The following ANO4 variants were observed in gnomAD, a reference collection of about 807,000 sequenced individuals.
The protein encoded by ANO4 is anoctamin-4.
Under a neutral mutation model 141.9 loss-of-function variants are expected in ANO4, and 69 were observed. The ratio of observed to expected loss-of-function variants is 0.49; its 90% CI spans 0.40 to 0.59. The LOEUF is 0.59. Among genes scored for constraint, ANO4 ranks in the 20% least tolerant of loss-of-function variants. The pLI is 0.00. For missense variants in ANO4, 894 were observed against 1,162.2 expected, an observed-to-expected ratio of 0.77 and a Z score of 3.36; for synonymous variants, 350 against 394.3, an observed-to-expected ratio of 0.89 and a Z score of 1.33.
At position 100,872,947 on chromosome 12, in the gene ANO4, T is replaced by C. The variant is rs141898297; in HGVS notation, c.-140-28699T>C. Among the ~76,000 whole-genome samples the C allele has an allele frequency of 7.3e-3, 1,110 of 152,292 alleles. 5 individuals carry two copies. The highest frequency in any genetic ancestry group is 0.013 in the Non-Finnish European group (882 of 68,022). On this transcript the variant is annotated intron_variant, in intron 1 of 27. Coordinates refer to ENST00000392977, the MANE Select transcript of ANO4 (RefSeq NM_001286615.2). ...TGGGGGCGGATTTCCTCCTTGCTGT[T>C]CTTGTGATAGTGAGTTCTCACAAGA... is the stretch of plus-strand genomic sequence containing the variant.
intron 7 of ANO4, among the ~76,000 whole-genome samples, chr12:100,981,509 G>A (rs1194467132): frequency 1.3e-5 from 2 of 151,790 alleles, no homozygotes; most frequent in South Asian, 2.1e-4. Flanking sequence ...AAAGAAAAGA[G>A]AAAAGAAAAG....
At chr12:100,770,159 T>C (rs1350183231) in intron 3 of ANO4, among the ~76,000 whole-genome samples, 1 of 152,246 alleles carries the variant, frequency 6.6e-6, no homozygotes, top group Non-Finnish European at 1.5e-5. Flanking sequence ...AACTTTCAGT[T>C]ATAGAATGTT....
chr12:101,099,632 A>G lies in ANO4; in HGVS notation c.2061A>G (p.Glu687=). Residue 687 remains glutamate, a synonymous_variant, in exon 22 of 28, where the codon GAA becomes GAG. Coordinates refer to ENST00000392977, the MANE Select transcript of ANO4 (RefSeq NM_001286615.2). ...AAGTACGACAAGAACATGGACCTGAAAGGAAAATAAGTTTCCCACAATGGG... is the reference window on the plus strand; with the variant it reads ...AAGTACGACAAGAACATGGACCTGAGAGGAAAATAAGTTTCCCACAATGGG... The part of the protein sequence containing the change: ...RRKVRQEHGP[E]RKISFPQWEK... 6.2e-7 allele frequency: 1 copy of G among 1,612,332 alleles called. No individual in the cohort carries two copies. Among genetic ancestry groups the G allele is most frequent in the Non-Finnish European group, 8.5e-7 (1 of 1,179,444 alleles).
intron 8 of ANO4, among the ~76,000 whole-genome samples, chr12:101,018,966 T>G (rs752291639): frequency 7.3e-5 from 11 of 151,270 alleles, no homozygotes; most frequent in Non-Finnish European, 1.5e-4. Context: ...GAAAAAAAAA[T>G]GACAATATGG....
chr12:100,778,747 T>C (rs1015054174), intron 3 of ANO4, among the ~76,000 whole-genome samples: 1 of 152,226 alleles, frequency 6.6e-6, no homozygotes, highest in African/African-American at 2.4e-5. Flanking sequence ...TCCTAATCAG[T>C]TGGAGATTTC....
intron 7 of ANO4, among the ~76,000 whole-genome samples, chr12:100,985,162 A>G (rs1034808126): frequency 6.6e-6 from 1 of 152,248 alleles, no homozygotes. Context: ...GCCAAGAGCC[A>G]TGGGGAAGGC....
At chr12:100,990,734 A>C (rs559079575) in intron 8 of ANO4, among the ~76,000 whole-genome samples, 3 of 152,248 alleles carry the variant, frequency 2.0e-5, no homozygotes, top group Admixed American at 2.0e-4. Flanking sequence ...CCAGATTTGG[A>C]GGGAGGTTGG....
intron 3 of ANO4, among the ~76,000 whole-genome samples, chr12:100,924,060 T>G (rs1465464249): frequency 6.6e-6 from 1 of 152,156 alleles, no homozygotes; most frequent in East Asian, 1.9e-4. Context: ...ATGGGTAGAT[T>G]GTGAAAATTT....
At chr12:101,079,366 C>A in intron 15 of ANO4, 91 bp downstream of exon 15, 1 of 1,114,778 alleles carries the variant, frequency 9.0e-7, no homozygotes, top group Non-Finnish European at 1.3e-6. Context: ...TGTTCTGTGA[C>A]GGAAGTCAGG....
intron 22 of ANO4, among the ~76,000 whole-genome samples, chr12:101,103,177 G>C (rs2050258681): frequency 1.2e-5 from 1 of 84,158 alleles, no homozygotes; most frequent in African/African-American, 5.4e-5. Flanking sequence ...TTCCTTTTTA[G>C]TCATTTTATA....
chr12:100,895,376 A>G (rs1038510813), intron 1 of ANO4, among the ~76,000 whole-genome samples: 1 of 152,086 alleles, frequency 6.6e-6, no homozygotes, highest in African/African-American at 2.4e-5. Context: ...GGATGAAAGC[A>G]AATCATTTTT....
chr12:100,907,185 T>C (rs1039336878), intron 2 of ANO4, among the ~76,000 whole-genome samples: 8 of 152,216 alleles, frequency 5.3e-5, no homozygotes, highest in African/African-American at 1.9e-4. Context: ...CTCTCCCTAC[T>C]TTTCCAGGCT....
intron 24 of ANO4, among the ~76,000 whole-genome samples, chr12:101,115,661 G>A (rs2050823911): frequency 6.6e-6 from 1 of 152,156 alleles, no homozygotes; most frequent in Admixed American, 6.5e-5. Context: ...TAACCACAAT[G>A]TTCAATATGT....
chr12:100,723,605 T>A (rs1465173218), intron 1 of ANO4, among the ~76,000 whole-genome samples: 1 of 152,186 alleles, frequency 6.6e-6, no homozygotes, highest in Admixed American at 6.5e-5. Context: ...ACGGGAAACG[T>A]GGACTAAATC....
chr12:101,030,858 G>A (rs915266656), intron 9 of ANO4, among the ~76,000 whole-genome samples: 3 of 152,024 alleles, frequency 2.0e-5, no homozygotes, highest in Non-Finnish European at 2.9e-5. Context: ...ATTCCTGGAC[G>A]CAGACACTCT....
chr12:100,838,482 C>T (rs924631381), intron 1 of ANO4, among the ~76,000 whole-genome samples: 19 of 152,172 alleles, frequency 1.2e-4, no homozygotes, highest in African/African-American at 4.6e-4. Flanking sequence ...AAGAAGTCCA[C>T]AGGGCCTGGA....
intron 22 of ANO4, among the ~76,000 whole-genome samples, chr12:101,107,356 A>G (rs1027663727): frequency 5.9e-4 from 90 of 152,330 alleles, no homozygotes; most frequent in African/African-American, 2.1e-3. Flanking sequence ...TTCTACTTTC[A>G]TGAAGCTCAC....
At chr12:100,999,257 C>T (rs2136392699) in intron 8 of ANO4, among the ~76,000 whole-genome samples, 1 of 152,338 alleles carries the variant, frequency 6.6e-6, no homozygotes, top group Admixed American at 6.5e-5. Flanking sequence ...TATTTCTTTG[C>T]CTTTTCTAAT....
At chr12:100,958,585 T>C (rs894283790) in intron 5 of ANO4, among the ~76,000 whole-genome samples, 2 of 152,294 alleles carry the variant, frequency 1.3e-5, no homozygotes, top group East Asian at 1.9e-4. Context: ...CAGTGGCTCA[T>C]GTTTGTAATC....
Sources: gnomAD v4.1 joint callset for allele counts (sites outside exome capture counted in the v4.1 genomes callset) on GRCh38, gnomAD v4.1.1 for gene constraint, MANE v1.5 for transcripts, NCBI Gene and HGNC (gene_info 2026-07-23, HGNC 2026-07-21) for gene names.